The following DMBT1 variants were observed in gnomAD, a reference collection of about 807,000 sequenced individuals.
The protein encoded by DMBT1 is scavenger receptor cysteine-rich domain-containing protein DMBT1.
DMBT1 carries 198 observed loss-of-function variants against 252.9 expected under a neutral mutation model. That is an observed-to-expected ratio of 0.78 (90% CI 0.70 to 0.88). The LOEUF is 0.88. Ranked by LOEUF, DMBT1 falls within the 40% of genes least tolerant of loss-of-function variation. The pLI is 0.00. For synonymous variants in DMBT1, 990 were observed against 942.7 expected (o/e 1.05, Z -0.92); for missense variants, 2,432 against 2,404.7 (o/e 1.01, Z -0.24).
chr10:122,573,214 G>A (rs1174693600), intron 5 of DMBT1, among the ~76,000 whole-genome samples: 1 of 152,210 alleles, frequency 6.6e-6, no homozygotes, highest in Non-Finnish European at 1.5e-5. Flanking sequence ...CCACCAAGTG[G>A]GACTGGGCTC....
In DMBT1 at chr10:122,640,392, T is replaced by G. The variant is rs1844303632; in HGVS notation, c.7295T>G (p.Val2432Gly). The G allele has an allele frequency of 1.9e-6, 3 of 1,614,032 alleles. No homozygotes were observed. Among genetic ancestry groups the G allele is most frequent in the Non-Finnish European group, 2.5e-6 (3 of 1,179,892 alleles). The change falls in exon 55 of 56, where the codon GTG becomes GGG. Residue 2432 changes from valine (V) to glycine (G), a missense_variant. This residue lies in a region of DMBT1 where 1,162 missense variants were observed against 1,169.0 expected (regional missense o/e 0.99). Coordinates refer to ENST00000338354, the MANE Select transcript of DMBT1 (RefSeq NM_001377530.1). ...AVLTLFVDTC[V>G]ASPYSNDFTS... ...CTGACCTTGTTTGTGGACACCTGCG[T>G]GGCATCACCATACTCCAATGACTTC... is the stretch of plus-strand genomic sequence containing the variant.
At chr10:122,634,429 CTTCTCTCTCTCTCTCT>C (rs1273435171) in intron 52 of DMBT1, among the ~76,000 whole-genome samples, 2 of 54,788 alleles carry the variant, frequency 3.7e-5, no homozygotes, top group South Asian at 6.5e-4. Context: ...CTCTCTCTCT[CTTCTCTCTCTCTCTCT>C]CTCTCTCTCT....
Position 122,625,105 on chromosome 10 carries a change from C to G in DMBT1, c.5609-172C>G, listed in dbSNP as rs540883915. On this transcript the variant is annotated intron_variant, in intron 44 of 55. Coordinates refer to ENST00000338354, the MANE Select transcript of DMBT1 (RefSeq NM_001377530.1). ...TTTCAGGCTGTAAGAATGAATTCTT[C>G]CAACATCTTTTTTTGAGACTAACCG... Among the ~76,000 whole-genome samples, 3 of 152,316 alleles carry G rather than the reference C, an allele frequency of 2.0e-5. No homozygotes were observed. The East Asian group carries it at 5.8e-4, about 29-fold the overall frequency.
At chr10:122,573,672 C>T (rs142815957) in intron 5 of DMBT1, 43 bp from the exon 6 acceptor site, 167 of 1,608,934 alleles carry the variant, frequency 1.0e-4, no homozygotes, top group Middle Eastern at 5.0e-4. Flanking sequence ...CCTCCCCAAG[C>T]GAGGGCTACG....
chr10:122,592,762 T>G (rs2097859743), intron 20 of DMBT1, among the ~76,000 whole-genome samples, 167 bp downstream of exon 20: 1 of 148,906 alleles, frequency 6.7e-6, no homozygotes, highest in Non-Finnish European at 1.5e-5. Flanking sequence ...ACTACAGGGC[T>G]TGGTGTTCCT....
At chr10:122,592,678 A>T (rs1429262269) in intron 20 of DMBT1, 83 bp downstream of exon 20, 1 of 1,560,966 alleles carries the variant, frequency 6.4e-7, no homozygotes, top group Non-Finnish European at 8.7e-7. Context: ...TGATCTCCTC[A>T]CTCAAAGATT....
In DMBT1 at chr10:122,576,647, C is replaced by T. The variant is rs1381683869; in HGVS notation, c.532C>T (p.Leu178=). 3 of 1,613,790 alleles carry T rather than the reference C, an allele frequency of 1.9e-6. No individual in the cohort carries two copies. The highest frequency in any genetic ancestry group is 2.2e-5 in the East Asian group (1 of 44,880). ...GCGCTGCTCAGGACACGAATCCTAC[C>T]TGTGGAGCTGCCCCCACAATGGCTG... ...DVRCSGHESY[L]WSCPHNGWLS... is the part of the protein sequence containing the mutation. Residue 178 remains leucine, a synonymous_variant, in exon 7 of 56, where the codon CTG becomes TTG. Coordinates refer to ENST00000338354, the MANE Select transcript of DMBT1 (RefSeq NM_001377530.1).
At chr10:122,630,548 T>G (rs888013022) in intron 48 of DMBT1, 58 bp downstream of exon 48, 20 of 1,554,912 alleles carry the variant, frequency 1.3e-5, no homozygotes, top group Admixed American at 1.7e-5. Context: ...GCTGCCTCTT[T>G]GGGGGCACCA....
At chr10:122,622,722 T>G (rs1455333817) in intron 44 of DMBT1, among the ~76,000 whole-genome samples, 2 of 152,168 alleles carry the variant, frequency 1.3e-5, no homozygotes, top group African/African-American at 4.8e-5. Flanking sequence ...CAGAGTTCTA[T>G]ACCCATCTTT....
chr10:122,638,294 T>G (rs1843847247), intron 54 of DMBT1, among the ~76,000 whole-genome samples: 1 of 146,962 alleles, frequency 6.8e-6, no homozygotes, highest in Non-Finnish European at 1.5e-5. Flanking sequence ...TTCACACCCA[T>G]TCACACCCAT....
intron 2 of DMBT1, among the ~76,000 whole-genome samples, chr10:122,569,494 T>G (rs58688644): frequency 0.019 from 2,916 of 152,310 alleles, 100 homozygotes; most frequent in South Asian, 0.14. Flanking sequence ...AAGGGGTCCT[T>G]TAGTTCCCAA....
Position 122,585,751 on chromosome 10 carries a change from G to A in DMBT1, c.1460-309G>A, listed in dbSNP as rs190229363. Among the ~76,000 whole-genome samples, 26 of 148,640 alleles carry A rather than the reference G, an allele frequency of 1.7e-4. 2 individuals carry two copies. The highest frequency in any genetic ancestry group is 3.0e-4 in the Non-Finnish European group (20 of 66,664). On this transcript the variant is annotated intron_variant, in intron 15 of 55. Coordinates refer to ENST00000338354, the MANE Select transcript of DMBT1 (RefSeq NM_001377530.1). Reference sequence around the variant, plus strand: ...GATTGCCACCAAGCTCCTGAGATGGGGAGAGTCTGGCCTGCCTACTGTAGC... The same window carrying A: ...GATTGCCACCAAGCTCCTGAGATGGAGAGAGTCTGGCCTGCCTACTGTAGC...
At chr10:122,626,793 A>G (rs181343595) in intron 46 of DMBT1, among the ~76,000 whole-genome samples, 136 of 152,338 alleles carry the variant, frequency 8.9e-4, no homozygotes, top group African/African-American at 3.1e-3. Flanking sequence ...TCAGTGTGCA[A>G]AGAGGAAGTA....
In DMBT1 at chr10:122,585,885, G is replaced by C. The variant is rs530907517; in HGVS notation, c.1460-175G>C. On this transcript the variant is annotated intron_variant, in intron 15 of 55. Transcript: ENST00000338354. ...CCAAACTTGAGCCTTCATAAACCCA[G>C]GCAGAACTGCTTCTTTGACTTTGAT... Among the ~76,000 whole-genome samples, 5 of 148,906 alleles carry C rather than the reference G, an allele frequency of 3.4e-5. 1 individual carries two copies. The East Asian group carries it at 1.0e-3, about 31-fold the overall frequency.
At chr10:122,639,648 G>A (rs1307479543) in intron 54 of DMBT1, among the ~76,000 whole-genome samples, 1 of 152,202 alleles carries the variant, frequency 6.6e-6, no homozygotes, top group Non-Finnish European at 1.5e-5. Context: ...TATATGTGCA[G>A]GCTTGGGCTC....
chr10:122,629,843 C>G lies in DMBT1; in HGVS notation c.5672C>G (p.Pro1891Arg). 1 of 1,613,836 alleles carries G rather than the reference C, an allele frequency of 6.2e-7. No homozygotes were observed. Among genetic ancestry groups the G allele is most frequent in the Non-Finnish European group, 8.5e-7 (1 of 1,179,810 alleles). ...ATGTCCCCTCTCTCCTCTCTAGGACCCTCTTCAAATTGTGGTGGCTTCTTA... is the reference window on the plus strand; with the variant it reads ...ATGTCCCCTCTCTCCTCTCTAGGACGCTCTTCAAATTGTGGTGGCTTCTTA... ...WHPTTTTTAR[P>R]SSNCGGFLFY... The change falls in exon 47 of 56, where the codon CCC (proline) becomes CGC (arginine). Residue 1891 changes from proline to arginine, a missense_variant. This residue lies in a region of DMBT1 where 1,162 missense variants were observed against 1,169.0 expected (regional missense o/e 0.99). Coordinates refer to ENST00000338354, the MANE Select transcript of DMBT1 (RefSeq NM_001377530.1).
intron 17 of DMBT1, 142 bp downstream of exon 17, chr10:122,589,409 T>A: frequency 2.2e-6 from 3 of 1,373,126 alleles, no homozygotes; most frequent in Non-Finnish European, 2.9e-6. Context: ...TCTAGGAAAC[T>A]GCATGAGTCT....
intron 2 of DMBT1, among the ~76,000 whole-genome samples, chr10:122,567,326 G>A (rs1486274683): frequency 6.6e-6 from 1 of 152,220 alleles, no homozygotes; most frequent in African/African-American, 2.4e-5. Context: ...AGATGGCATA[G>A]AAGGTAGGGT....
chr10:122,639,918 G>C, intron 54 of DMBT1, 122 bp from the exon 55 acceptor site: 1 of 1,184,772 alleles, frequency 8.4e-7, no homozygotes. Flanking sequence ...ATCTCTGAGT[G>C]GTTCTGGGAG....
Sources: allele counts gnomAD v4.1 joint callset (sites outside exome capture counted in the v4.1 genomes callset), GRCh38; gene constraint gnomAD v4.1.1; regional missense constraint gnomAD v4.1.1; transcripts MANE v1.5; gene names NCBI Gene and HGNC (gene_info 2026-07-23, HGNC 2026-07-21).